Variants in SAMD14 observed in about 807,000 individuals in gnomAD.
The protein encoded by SAMD14 is sterile alpha motif domain containing 14, also known as sterile alpha motif domain-containing protein 14.
SAMD14 carries 27 observed loss-of-function variants against 46.2 expected under a neutral mutation model. The observed-to-expected ratio is 0.58, with a 90% CI of 0.43 to 0.81. The LOEUF is 0.81. Among genes scored for constraint, SAMD14 ranks in the 30% least tolerant of loss-of-function variants. The pLI, the probability that SAMD14 is intolerant of heterozygous loss-of-function variation, is 0.00. For synonymous variants in SAMD14, 241 were observed against 254.3 expected (o/e 0.95, Z 0.50); for missense variants, 559 against 582.2 (o/e 0.96, Z 0.41).
rs1405576370 is a variant in SAMD14 at position 50,112,779 on chromosome 17, G to C, written c.*114C>G. The stretch of plus-strand genomic sequence containing the variant: ...AAGAGAGAGCATGTCCCCCCTGAGA[G>C]CGTGGGACCAGGCTAGCCCAAGTGC... On this transcript the variant is annotated 3_prime_UTR_variant, in exon 10 of 10. Transcript: ENST00000330175. 1 of 1,234,884 alleles carries C rather than the reference G, an allele frequency of 8.1e-7. No homozygotes were observed. The highest frequency in any genetic ancestry group is 1.5e-5 in the African/African-American group (1 of 66,254). 76.5% of individuals were successfully genotyped at this position (1,234,884 alleles called of 1,614,324 possible).
chr17:50,110,060 C>T lies in SAMD14; in HGVS notation c.*2833G>A, dbSNP rs770346713. The stretch of plus-strand genomic sequence containing the variant: ...GCCGGCGACTGGTGTGTGCCCAGCA[C>T]GGAGCCCAAGAACACGTCCACGTAC... On this transcript the variant is annotated 3_prime_UTR_variant, in exon 10 of 10. Transcript: ENST00000330175. The T allele has an allele frequency of 1.1e-5, 18 of 1,611,046 alleles. No individual in the cohort carries two copies. The Admixed American group carries it at 1.3e-4, about 12-fold the overall frequency.
At position 50,114,314 on chromosome 17, in the gene SAMD14, GA is replaced by G; in HGVS notation, c.823-9del. On this transcript the variant is annotated splice_polypyrimidine_tract_variant and intron_variant, in intron 7 of 9. Coordinates refer to ENST00000330175, the MANE Select transcript of SAMD14 (RefSeq NM_001257359.2). ...ATCACTCAGAGTGGATTCCTAGACA[GA>G]AAAAGGTGCATGCCACTGAGGAGAG... 1 of 1,614,072 alleles carries G rather than the reference GA, an allele frequency of 6.2e-7. No individual in the cohort carries two copies. Among genetic ancestry groups the G allele is most frequent in the Non-Finnish European group, 8.5e-7 (1 of 1,180,006 alleles).
rs1203614565 is a variant in SAMD14 at position 50,117,608 on chromosome 17, G to A, written c.298C>T (p.Leu100=). The A allele has an allele frequency of 1.3e-6, 2 of 1,557,292 alleles. No individual in the cohort carries two copies. Among genetic ancestry groups the A allele is most frequent in the East Asian group, 2.5e-5 (1 of 40,666 alleles). Residue 100 remains leucine, a synonymous_variant, in exon 4 of 10, where the codon CTG becomes TTG. Coordinates refer to ENST00000330175, the MANE Select transcript of SAMD14 (RefSeq NM_001257359.2). ...CTGCGCCGCAACCCCGGAGGATCCA[G>A]GCAGAAAGAGCCCCCGGCCGGGGAC... The part of the protein sequence containing the change: ...PGSPAGGSFC[L]DPPGLRRSLD...
intron 1 of SAMD14, among the ~76,000 whole-genome samples, chr17:50,126,932 TC>T (rs1306864158): frequency 1.3e-5 from 2 of 150,806 alleles, no homozygotes; most frequent in African/African-American, 4.9e-5. Context: ...AAACCCCGTC[TC>T]TACTAAAAAC....
rs1910829032 is a variant in SAMD14 at position 50,111,354 on chromosome 17, A to G, written c.*1539T>C. Reference sequence around the variant, plus strand: ...TAAGGATTTATTGAAATAAATTGAGAACTGCCTCCCCTTCACATGCAGGTG... The same window carrying G: ...TAAGGATTTATTGAAATAAATTGAGGACTGCCTCCCCTTCACATGCAGGTG... On this transcript the variant is annotated 3_prime_UTR_variant, in exon 10 of 10. Coordinates refer to ENST00000330175, the MANE Select transcript of SAMD14 (RefSeq NM_001257359.2). 6.6e-6 allele frequency: 1 copy of G among 152,266 alleles called. No individual in the cohort carries two copies. The highest frequency in any genetic ancestry group is 2.4e-5 in the African/African-American group (1 of 41,458). The allele number at this position is 152,266 out of a possible 1,614,324, so 9.4% of individuals were successfully genotyped here.
chr17:50,117,483 C>T lies in SAMD14; in HGVS notation c.423G>A (p.Pro141=), dbSNP rs1335529880. 2 of 1,422,882 alleles carry T rather than the reference C, an allele frequency of 1.4e-6. No homozygotes were observed. Among genetic ancestry groups the T allele is most frequent in the African/African-American group, 1.5e-5 (1 of 67,264 alleles). The allele number at this position is 1,422,882 out of a possible 1,614,324, so 88.1% of individuals were successfully genotyped here. The part of the protein sequence containing the change: ...HEGLAAASCS[P]PRSAPSSDSS... ...TGTCGGAGGAGGGCGCGGAGCGCGG[C>T]GGAGAGCAGGAGGCGGCGGCCAGGC... The change falls in exon 4 of 10, where the codon CCG becomes CCA. Residue 141 remains proline (P), a synonymous_variant. Transcript: ENST00000330175.
At position 50,118,336 on chromosome 17, in the gene SAMD14, C is replaced by T. The variant is rs774602078; in HGVS notation, c.44-9G>A. ...CACAGCCAAGTCCAGGTCTGCGAAC[C>T]GGGGGAGGGGAGCAGAGACCAGACA... On this transcript the variant is annotated splice_polypyrimidine_tract_variant and intron_variant, in intron 2 of 9. Transcript: ENST00000330175. The T allele has an allele frequency of 3.1e-6, 5 of 1,610,822 alleles. No individual in the cohort carries two copies. The highest frequency in any genetic ancestry group is 4.2e-6 in the Non-Finnish European group (5 of 1,179,950).
intron 4 of SAMD14, among the ~76,000 whole-genome samples, chr17:50,116,707 T>C (rs947285305): frequency 2.6e-5 from 4 of 152,022 alleles, no homozygotes; most frequent in Admixed American, 2.6e-4. Flanking sequence ...GCACTCGGCC[T>C]ATCCTGGCCA....
intron 1 of SAMD14, among the ~76,000 whole-genome samples, chr17:50,127,254 T>C (rs1434403763): frequency 2.0e-5 from 3 of 152,126 alleles, no homozygotes; most frequent in Non-Finnish European, 4.4e-5. Flanking sequence ...GAGGAAGAGA[T>C]AAGCATAGAG....
intron 2 of SAMD14, 120 bp downstream of exon 2, chr17:50,124,797 A>G (rs1911689607): frequency 4.3e-6 from 4 of 934,508 alleles, no homozygotes; most frequent in Non-Finnish European, 7.0e-6. Flanking sequence ...ACACACACAC[A>G]CACACACACA....
chr17:50,123,616 G>T, intron 2 of SAMD14: 1 of 166,618 alleles, frequency 6.0e-6, no homozygotes, highest in Non-Finnish European at 1.3e-5. Flanking sequence ...TCTGCTCTAT[G>T]AGGCTCTCCC....
intron 7 of SAMD14, chr17:50,114,618 A>G: frequency 3.3e-6 from 2 of 611,352 alleles, no homozygotes; most frequent in East Asian, 5.9e-5. Flanking sequence ...AGGCTGGGTC[A>G]GGTGTCTCTG....
At chr17:50,118,022 G>T in intron 3 of SAMD14, 139 bp downstream of exon 3, 1 of 923,044 alleles carries the variant, frequency 1.1e-6, no homozygotes, top group Non-Finnish European at 1.6e-6. Context: ...GTGAACTGCA[G>T]CTAACACTTG....
chr17:50,114,184 C>T lies in SAMD14; in HGVS notation c.942+3G>A, dbSNP rs1017776650. On this transcript the variant is annotated splice_donor_region_variant and intron_variant, in intron 8 of 9. Coordinates refer to ENST00000330175, the MANE Select transcript of SAMD14 (RefSeq NM_001257359.2). Reference sequence around the variant, plus strand: ...GTGGGCACCCTGGGCCAGCCTTGCTCACCTCATCTGAAGACTGAGACAGCG... The same window carrying T: ...GTGGGCACCCTGGGCCAGCCTTGCTTACCTCATCTGAAGACTGAGACAGCG... 4.3e-6 allele frequency: 7 copies of T among 1,614,034 alleles called. No homozygotes were observed. The African/African-American group carries it at 9.3e-5, about 22-fold the overall frequency.
intron 2 of SAMD14, among the ~76,000 whole-genome samples, chr17:50,120,183 A>G (rs1051801255): frequency 8.5e-5 from 13 of 152,140 alleles, no homozygotes; most frequent in African/African-American, 3.1e-4. Context: ...TGCATGATAG[A>G]CTACACTTTG....
At position 50,115,747 on chromosome 17, in the gene SAMD14, G is replaced by A; in HGVS notation, c.663-24C>T. ...CCCTGCAGAGAGAGTGTCCAGCATG[G>A]GTGTGGGTACAGAGGGGAGGACCAG... On this transcript the variant is annotated intron_variant, in intron 6 of 9. Coordinates refer to ENST00000330175, the MANE Select transcript of SAMD14 (RefSeq NM_001257359.2). This position sits in a 1 kb window ranked among gnomAD's most constrained non-coding sequence, Gnocchi z 5.3. 6.2e-7 allele frequency: 1 copy of A among 1,611,970 alleles called. No homozygotes were observed. The highest frequency in any genetic ancestry group is 1.3e-5 in the African/African-American group (1 of 75,032).
intron 2 of SAMD14, among the ~76,000 whole-genome samples, chr17:50,123,046 A>C (rs1911576702): frequency 6.6e-6 from 1 of 152,232 alleles, no homozygotes. Flanking sequence ...GCTGAACCAC[A>C]GAAAAATAAG....
chr17:50,114,993 G>C (rs1911103878), intron 7 of SAMD14: 1 of 154,756 alleles, frequency 6.5e-6, no homozygotes, highest in Non-Finnish European at 1.4e-5. Flanking sequence ...GTACAATGGA[G>C]ATGAGCATGC....
Position 50,129,032 on chromosome 17 carries a change from C to G in SAMD14, c.-13+485G>C, listed in dbSNP as rs561925617. On this transcript the variant is annotated intron_variant, in intron 1 of 9. Coordinates refer to ENST00000330175, the MANE Select transcript of SAMD14 (RefSeq NM_001257359.2). The surrounding 1 kb of genome is among the most constrained non-coding windows in gnomAD (Gnocchi z 5.6). Reference sequence around the variant, plus strand: ...AGCGGTCGGGGAGGCAGTTGTGGAGCCAGAGAGGTGGTCCCCCCTTCCCAT... The same window carrying G: ...AGCGGTCGGGGAGGCAGTTGTGGAGGCAGAGAGGTGGTCCCCCCTTCCCAT... Among the ~76,000 whole-genome samples, 6 of 152,282 alleles carry G rather than the reference C, an allele frequency of 3.9e-5. No homozygotes were observed. The South Asian group carries it at 1.2e-3, about 32-fold the overall frequency.
Sources: allele counts gnomAD v4.1 joint callset (sites outside exome capture counted in the v4.1 genomes callset), GRCh38; gene constraint gnomAD v4.1.1; non-coding constraint Gnocchi (gnomAD v3.1); transcripts MANE v1.5; gene names NCBI Gene and HGNC (gene_info 2026-07-23, HGNC 2026-07-21).